Variants in SP140L observed in about 807,000 individuals in gnomAD.
SP140L encodes nuclear body protein SP140-like protein.
In SP140L, 64 loss-of-function variants were observed where a neutral mutation model predicts 84.3. The ratio of observed to expected loss-of-function variants is 0.76; its 90% CI spans 0.62 to 0.94. The LOEUF is 0.94. SP140L is among the 40% of genes least tolerant of loss of function. The pLI, the probability that SP140L is intolerant of heterozygous loss-of-function variation, is 0.00. For synonymous variants in SP140L, 242 were observed against 236.9 expected, an observed-to-expected ratio of 1.02 and a Z score of -0.20; for missense variants, 628 against 692.5, an observed-to-expected ratio of 0.91 and a Z score of 1.05.
In SP140L at chr2:230,385,083, C is replaced by T. The variant is rs948654416; in HGVS notation, c.704-141C>T. ...TGTGTGTAATTTAGAAGTCAACACT[C>T]CCCAAAGCAGAAAATGCTCTGGACA... On this transcript the variant is annotated intron_variant, in intron 8 of 18. Transcript: ENST00000415673. 7 of 697,284 alleles carry T rather than the reference C, an allele frequency of 1.0e-5. No homozygotes were observed. In the Admixed American group the frequency reaches 1.7e-4, roughly 17 times the overall value. The allele number at this position is 697,284 out of a possible 1,614,324, so 43.2% of individuals were successfully genotyped here.
At chr2:230,351,033 TG>T (rs141231445) in intron 2 of SP140L, among the ~76,000 whole-genome samples, 6,506 of 152,308 alleles carry the variant, frequency 0.043, 189 homozygotes, top group Middle Eastern at 0.082. Context: ...TGTAAGGATC[TG>T]GGTTTCACTC....
chr2:230,354,543 G>A (rs2060458394), intron 2 of SP140L, among the ~76,000 whole-genome samples: 1 of 152,110 alleles, frequency 6.6e-6, no homozygotes. Context: ...CAAGGTGGGA[G>A]GATCACTTGA....
intron 2 of SP140L, among the ~76,000 whole-genome samples, chr2:230,334,263 C>T (rs1253093024): frequency 6.6e-6 from 1 of 152,232 alleles, no homozygotes; most frequent in Non-Finnish European, 1.5e-5. Flanking sequence ...ATTTCCTCTG[C>T]AAGTAATCAG....
intron 9 of SP140L, 124 bp from the exon 10 acceptor site, chr2:230,388,435 C>A (rs1480876998): frequency 6.0e-5 from 42 of 699,328 alleles, no homozygotes; most frequent in Non-Finnish European, 8.2e-5. Context: ...GGGTTTAAAT[C>A]TTTTTATTTA....
In SP140L at chr2:230,400,292, C is replaced by G. The variant is rs766555162; in HGVS notation, c.1313+50C>G. The G allele has an allele frequency of 1.9e-6, 3 of 1,559,238 alleles. No homozygotes were observed. In the East Asian group the frequency reaches 6.8e-5, roughly 35 times the overall value. On this transcript the variant is annotated intron_variant, in intron 15 of 18. Transcript: ENST00000415673. ...TTTCATCCTTTAAGGGACCTTCCAC[C>G]TGCCATGCGCACTCTCCAGCAGAAT...
chr2:230,394,542 T>G (rs1357225647), intron 13 of SP140L, among the ~76,000 whole-genome samples: 1 of 152,224 alleles, frequency 6.6e-6, no homozygotes, highest in Non-Finnish European at 1.5e-5. Context: ...ATGTCACCTA[T>G]TCAGTGAGTA....
At chr2:230,385,691 C>A (rs2061552971) in intron 9 of SP140L, among the ~76,000 whole-genome samples, 1 of 152,212 alleles carries the variant, frequency 6.6e-6, no homozygotes. Flanking sequence ...CTATCGCTTT[C>A]CTGTTCCCTT....
chr2:230,347,442 A>G (rs1464899863), intron 2 of SP140L, among the ~76,000 whole-genome samples: 1 of 152,134 alleles, frequency 6.6e-6, no homozygotes, highest in African/African-American at 2.4e-5. Flanking sequence ...GCTATGCCCC[A>G]GCTTGCTGCA....
intron 10 of SP140L, among the ~76,000 whole-genome samples, 173 bp from the exon 11 acceptor site, chr2:230,389,746 C>T (rs1347899651): frequency 6.6e-6 from 1 of 152,168 alleles, no homozygotes; most frequent in Non-Finnish European, 1.5e-5. Context: ...TTGGGGCACA[C>T]ATTCTGTAGT....
chr2:230,361,678 C>T lies in SP140L; in HGVS notation c.504C>T (p.Ile168=). Residue 168 remains isoleucine (I), a synonymous_variant, in exon 5 of 19, where the codon ATC becomes ATT. Coordinates refer to ENST00000415673, the MANE Select transcript of SP140L (RefSeq NM_138402.6). ...DRKEREERPD[I]KLSLKQGEVP... is the part of the protein sequence containing the mutation. Reference sequence around the variant, plus strand: ...AAGAAAGGGAAGAGAGGCCTGACATCAAACTAAGTCTTAAACAAGGTAAAA... The same window carrying T: ...AAGAAAGGGAAGAGAGGCCTGACATTAAACTAAGTCTTAAACAAGGTAAAA... 1 of 1,560,538 alleles carries T rather than the reference C, an allele frequency of 6.4e-7. No homozygotes were observed. The highest frequency in any genetic ancestry group is 1.2e-5 in the South Asian group (1 of 84,570).
At chr2:230,364,810 T>G (rs2060818783) in intron 5 of SP140L, among the ~76,000 whole-genome samples, 1 of 152,134 alleles carries the variant, frequency 6.6e-6, no homozygotes, top group Non-Finnish European at 1.5e-5. Context: ...CTGAGGTACA[T>G]TTCTTCTATA....
intron 5 of SP140L, among the ~76,000 whole-genome samples, chr2:230,370,686 G>A (rs948284659): frequency 2.0e-5 from 3 of 146,588 alleles, no homozygotes; most frequent in Admixed American, 6.6e-5. Flanking sequence ...ATGAAAAAAA[G>A]ACAAAAGAGG....
At chr2:230,388,739 G>A in intron 10 of SP140L, 106 bp downstream of exon 10, 1 of 944,850 alleles carries the variant, frequency 1.1e-6, no homozygotes, top group Non-Finnish European at 1.5e-6. Context: ...GTTTTATGAA[G>A]CTATACTAAC....
At chr2:230,379,553 T>G (rs1457375030) in intron 7 of SP140L, among the ~76,000 whole-genome samples, 1 of 152,170 alleles carries the variant, frequency 6.6e-6, no homozygotes, top group African/African-American at 2.4e-5. Flanking sequence ...TTAAATCAAT[T>G]TTTTAAATCA....
At chr2:230,337,092 T>C (rs985223129) in intron 2 of SP140L, among the ~76,000 whole-genome samples, 2 of 152,234 alleles carry the variant, frequency 1.3e-5, no homozygotes, top group African/African-American at 4.8e-5. Context: ...ATGGTTGAAC[T>C]AGTTTACAGT....
chr2:230,388,722 TTTAA>T (rs1176025733), intron 10 of SP140L, 89 bp downstream of exon 10: 18 of 1,087,606 alleles, frequency 1.7e-5, no homozygotes, highest in East Asian at 1.4e-4. Flanking sequence ...AACCTATTTC[TTTAA>T]TTGTTTTATG....
intron 7 of SP140L, among the ~76,000 whole-genome samples, chr2:230,378,831 G>T (rs190152265): frequency 4.6e-5 from 7 of 152,008 alleles, no homozygotes; most frequent in Admixed American, 4.6e-4. Flanking sequence ...TTTAAATATG[G>T]GTTCATAGTA....
intron 5 of SP140L, among the ~76,000 whole-genome samples, chr2:230,366,337 T>A (rs2060868253): frequency 6.6e-6 from 1 of 152,172 alleles, no homozygotes; most frequent in Non-Finnish European, 1.5e-5. Flanking sequence ...AATTATTATG[T>A]CATCTTAACA....
At chr2:230,378,309 T>C (rs1212865975) in intron 7 of SP140L, among the ~76,000 whole-genome samples, 1 of 152,230 alleles carries the variant, frequency 6.6e-6, no homozygotes, top group Non-Finnish European at 1.5e-5. Flanking sequence ...TTGAAGATTC[T>C]TCTATCTTGC....
Sources: gnomAD v4.1 joint callset for allele counts (sites outside exome capture counted in the v4.1 genomes callset) on GRCh38, gnomAD v4.1.1 for gene constraint, MANE v1.5 for transcripts, NCBI Gene and HGNC (gene_info 2026-07-23, HGNC 2026-07-21) for gene names.